Variants in DPP6 observed in about 807,000 individuals in gnomAD.
DPP6 encodes A-type potassium channel modulatory protein DPP6.
A neutral mutation model predicts 122.6 loss-of-function variants in DPP6; 69 were observed. The observed-to-expected ratio is 0.56, with a 90% CI of 0.46 to 0.69. The LOEUF is 0.69. DPP6 is among the 30% of genes least tolerant of loss of function. DPP6 has a pLI of 0.00. For missense variants in DPP6, 928 were observed against 1,116.9 expected (o/e 0.83, Z 2.41); for synonymous variants, 418 against 433.1 (o/e 0.97, Z 0.43).
At chr7:154,369,525 C>A (rs1330317617) in intron 1 of DPP6, among the ~76,000 whole-genome samples, 3 of 152,112 alleles carry the variant, frequency 2.0e-5, no homozygotes, top group Admixed American at 2.0e-4. Flanking sequence ...CCCACCACCA[C>A]GCCCGGCTAA....
At chr7:154,607,203 A>G (rs1219662956) in intron 5 of DPP6, among the ~76,000 whole-genome samples, 1 of 120,402 alleles carries the variant, frequency 8.3e-6, no homozygotes, top group Non-Finnish European at 1.9e-5. Context: ...TATGGGACAC[A>G]TATGAAGTGC....
chr7:154,381,709 A>G (rs1041224171), intron 1 of DPP6, among the ~76,000 whole-genome samples: 2 of 152,236 alleles, frequency 1.3e-5, no homozygotes, highest in African/African-American at 4.8e-5. Context: ...TAGGAAACCA[A>G]TTCTGTCTGA....
At chr7:154,468,203 A>C (rs1821956513) in intron 2 of DPP6, among the ~76,000 whole-genome samples, 1 of 152,238 alleles carries the variant, frequency 6.6e-6, no homozygotes. Flanking sequence ...GAAATAAGCC[A>C]GTCACAACAA....
At chr7:154,377,299 C>T (rs1813211624) in intron 1 of DPP6, among the ~76,000 whole-genome samples, 2 of 152,136 alleles carry the variant, frequency 1.3e-5, no homozygotes, top group South Asian at 4.1e-4. Flanking sequence ...ATAAGCCTGG[C>T]ACATCCCAAG....
intron 1 of DPP6, among the ~76,000 whole-genome samples, chr7:154,233,538 C>A (rs1427878652): frequency 1.3e-5 from 2 of 152,064 alleles, no homozygotes; most frequent in Non-Finnish European, 2.9e-5. Context: ...GACTGGTGTC[C>A]TTATGAAAAG....
chr7:153,844,211 A>G, the DPP6 span, among the ~76,000 whole-genome samples: 33,841 of 152,150 alleles, frequency 0.22, 4,784 homozygotes, highest in South Asian at 0.44. Flanking sequence ...TGTATTTACA[A>G]TAATCAGGAG....
At chr7:153,874,738 G>A in the DPP6 span, among the ~76,000 whole-genome samples, 2 of 152,120 alleles carry the variant, frequency 1.3e-5, no homozygotes, top group African/African-American at 2.4e-5. Context: ...TATTAGAATG[G>A]AAACAAAATA....
At chr7:154,463,797 C>T (rs1486892599) in intron 2 of DPP6, among the ~76,000 whole-genome samples, 1 of 152,114 alleles carries the variant, frequency 6.6e-6, no homozygotes, top group Non-Finnish European at 1.5e-5. Context: ...TCCTGGTGCT[C>T]TATTCTACTG....
intron 1 of DPP6, among the ~76,000 whole-genome samples, chr7:154,367,899 C>G (rs942831544): frequency 2.5e-4 from 38 of 152,140 alleles, no homozygotes; most frequent in African/African-American, 8.9e-4. Context: ...CTCCGCCTCC[C>G]GGGTTCAAGC....
intron 1 of DPP6, among the ~76,000 whole-genome samples, chr7:153,998,729 C>T (rs922823476): frequency 6.6e-6 from 1 of 152,210 alleles, no homozygotes; most frequent in Non-Finnish European, 1.5e-5. Flanking sequence ...CTTTATCCTC[C>T]TATTAAAGCT....
chr7:153,833,802 C>T, the DPP6 span, among the ~76,000 whole-genome samples: 43,013 of 152,084 alleles, frequency 0.28, 6,442 homozygotes, highest in African/African-American at 0.38. Flanking sequence ...GTAACTCTAT[C>T]ATAGGACTGA....
At chr7:154,777,442 A>C (rs1772993673) in intron 10 of DPP6, among the ~76,000 whole-genome samples, 1 of 152,174 alleles carries the variant, frequency 6.6e-6, no homozygotes, top group African/African-American at 2.4e-5. Context: ...AGGCCTTGTT[A>C]AGCTGAACCT....
At chr7:153,751,906 A>G in the DPP6 span, among the ~76,000 whole-genome samples, 1 of 151,842 alleles carries the variant, frequency 6.6e-6, no homozygotes, top group African/African-American at 2.4e-5. Flanking sequence ...TCCTTGTATC[A>G]GTATGTATTA....
chr7:154,839,416 G>A (rs1801338546), intron 16 of DPP6, among the ~76,000 whole-genome samples: 1 of 152,262 alleles, frequency 6.6e-6, no homozygotes, highest in African/African-American at 2.4e-5. Context: ...GACTGAGTCT[G>A]TGGCCAAAGT....
chr7:153,916,045 C>T (rs1585025783), intron 1 of DPP6, among the ~76,000 whole-genome samples: 1 of 151,946 alleles, frequency 6.6e-6, no homozygotes, highest in East Asian at 1.9e-4. Flanking sequence ...CTGCTCACTG[C>T]AAGCTCTGCC....
In DPP6 at chr7:154,574,291, A is replaced by G. The variant is rs1448384432; in HGVS notation, c.627+7375A>G. ...TGTGTGGGGTCTGTGTGTGTGGCGT[A>G]TGTGTGTGTATGTGTGTGGTGTGCT... On this transcript the variant is annotated intron_variant, in intron 5 of 25. Transcript: ENST00000377770. Among the ~76,000 whole-genome samples, 53 of 101,878 alleles carry G rather than the reference A, an allele frequency of 5.2e-4. 2 individuals carry two copies. Among genetic ancestry groups the G allele is most frequent in the Admixed American group, 5.5e-4 (5 of 9,158 alleles). 66.8% of individuals were successfully genotyped at this position (101,878 alleles called of 152,430 possible).
intron 1 of DPP6, among the ~76,000 whole-genome samples, chr7:154,224,952 G>A (rs1800508445): frequency 6.6e-6 from 1 of 152,054 alleles, no homozygotes; most frequent in South Asian, 2.1e-4. Context: ...AGACCAACCT[G>A]GCCAACATGG....
chr7:153,752,455 G>C, the DPP6 span, among the ~76,000 whole-genome samples: 1 of 150,256 alleles, frequency 6.7e-6, no homozygotes, highest in Admixed American at 6.7e-5. Flanking sequence ...TGCCATGTTG[G>C]TCAGGCTGGT....
At chr7:154,628,434 C>T (rs895265736) in intron 5 of DPP6, among the ~76,000 whole-genome samples, 1 of 152,168 alleles carries the variant, frequency 6.6e-6, no homozygotes, top group Admixed American at 6.5e-5. Context: ...TCTCAGGTAG[C>T]TTTGTTTCCA....
Sources: allele counts gnomAD v4.1 joint callset (sites outside exome capture counted in the v4.1 genomes callset), GRCh38; gene constraint gnomAD v4.1.1; transcripts MANE v1.5; gene names NCBI Gene and HGNC (gene_info 2026-07-23, HGNC 2026-07-21).